Variants in NR6A1 observed in about 807,000 individuals in gnomAD.
NR6A1 encodes the protein retinoic acid receptor-related testis-associated receptor.
Under a neutral mutation model 59.1 loss-of-function variants are expected in NR6A1, and 7 were observed. That is an observed-to-expected ratio of 0.12 (90% confidence interval 0.07 to 0.22). The LOEUF is 0.22. NR6A1 is among the 10% of genes least tolerant of loss of function. The pLI, the probability that NR6A1 is intolerant of heterozygous loss-of-function variation, is 1.00. For missense variants in NR6A1, 468 were observed against 611.6 expected (o/e 0.77, Z 2.48); for synonymous variants, 243 against 236.1 (o/e 1.03, Z -0.27).
intron 1 of NR6A1, among the ~76,000 whole-genome samples, chr9:124,765,947 A>C (rs1342601640): frequency 6.6e-6 from 1 of 152,158 alleles, no homozygotes; most frequent in African/African-American, 2.4e-5. Flanking sequence ...CTGATTTTCT[A>C]TTACTTACTA....
chr9:124,736,460 A>G (rs1163780233), intron 1 of NR6A1, among the ~76,000 whole-genome samples: 1 of 152,206 alleles, frequency 6.6e-6, no homozygotes, highest in African/African-American at 2.4e-5. Flanking sequence ...GCAGACTTCT[A>G]TTCAAAGGCC....
chr9:124,750,763 AAAATAAATAAAT>A (rs541740584), intron 1 of NR6A1, among the ~76,000 whole-genome samples: 1 of 152,126 alleles, frequency 6.6e-6, no homozygotes, highest in African/African-American at 2.4e-5. Context: ...CCGTCTCAAA[AAAATAAATAAAT>A]AAATAAATAA....
In NR6A1 at chr9:124,540,048, G is replaced by A. The variant is rs891318743; in HGVS notation, c.581C>T (p.Ser194Phe). The stretch of plus-strand genomic sequence containing the variant: ...TAAAGCTCACCTGGAAGACAGTGTG[G>A]AGCCTGGTGAGGGCTGGTTGCTCTC... ...ASESNQPSPG[S>F]TLSSSRSVEL... Residue 194 changes from serine (S) to phenylalanine (F), a missense_variant, in exon 5 of 10, where the codon TCC becomes TTC. Around this residue, in one of 4 missense-constraint regions of NR6A1, gnomAD observed 151 missense variants for 142.8 expected, o/e 1.06. Coordinates refer to ENST00000487099, the MANE Select transcript of NR6A1 (RefSeq NM_033334.4). The A allele has an allele frequency of 1.5e-5, 24 of 1,599,278 alleles. No individual in the cohort carries two copies. The highest frequency in any genetic ancestry group is 2.0e-5 in the Non-Finnish European group (23 of 1,178,024).
rs1833247383 is a variant in NR6A1 at position 124,535,868 on chromosome 9, G to A, written c.1079+10C>T. ...TGTTTGGTATTTCCTCCCCAGCCAG[G>A]AGGCCTCACCTGTGTAGTTCTTCAT... On this transcript the variant is annotated intron_variant, in intron 7 of 9. Transcript: ENST00000487099. 2 of 1,613,500 alleles carry A rather than the reference G, an allele frequency of 1.2e-6. No individual in the cohort carries two copies. Among genetic ancestry groups the A allele is most frequent in the African/African-American group, 1.3e-5 (1 of 75,048 alleles).
At chr9:124,682,039 G>A (rs1452689278) in intron 2 of NR6A1, among the ~76,000 whole-genome samples, 1 of 151,918 alleles carries the variant, frequency 6.6e-6, no homozygotes, top group Non-Finnish European at 1.5e-5. Flanking sequence ...TTGTTGCCCA[G>A]GCTGGAGTGC....
chr9:124,558,405 A>G (rs562847155), intron 2 of NR6A1, among the ~76,000 whole-genome samples: 1 of 152,170 alleles, frequency 6.6e-6, no homozygotes, highest in South Asian at 2.1e-4. Context: ...GGTCTATGCC[A>G]TGGATGAGGA....
At chr9:124,543,754 G>A in intron 4 of NR6A1, 48 bp downstream of exon 4, 1 of 1,468,702 alleles carries the variant, frequency 6.8e-7, no homozygotes, top group South Asian at 1.2e-5. Context: ...AACAGCTGGA[G>A]CCCTGGGCTT....
chr9:124,626,837 G>C (rs899082565), intron 2 of NR6A1, among the ~76,000 whole-genome samples: 3 of 152,160 alleles, frequency 2.0e-5, no homozygotes, highest in African/African-American at 7.2e-5. Flanking sequence ...AGGAGGCTGA[G>C]GCAGGAGAAT....
At chr9:124,628,726 C>T (rs546573334) in intron 2 of NR6A1, among the ~76,000 whole-genome samples, 113 of 152,034 alleles carry the variant, frequency 7.4e-4, no homozygotes, top group Middle Eastern at 3.4e-3. Context: ...CTGCAACCTC[C>T]GCCTCCCGGG....
chr9:124,638,953 G>C (rs1209456541), intron 2 of NR6A1, among the ~76,000 whole-genome samples: 1 of 152,142 alleles, frequency 6.6e-6, no homozygotes, highest in African/African-American at 2.4e-5. Context: ...ACGGGAAGCT[G>C]ATTTTCTAAA....
intron 7 of NR6A1, 106 bp from the exon 8 acceptor site, chr9:124,527,006 G>GA: frequency 7.2e-7 from 1 of 1,392,912 alleles, no homozygotes; most frequent in Non-Finnish European, 9.9e-7. Context: ...GAGCTTGGGG[G>GA]AAATGGGATC....
chr9:124,666,275 C>CTTTTTTTTTCTTTTTTTTT (rs1837610877), intron 2 of NR6A1, among the ~76,000 whole-genome samples: 1 of 103,070 alleles, frequency 9.7e-6, no homozygotes. Flanking sequence ...CTATGTGGTT[C>CTTTTTTTTTCTTTTTTTTT]TTTTTTTTTT....
rs1322405365 is a variant in NR6A1 at position 124,639,802 on chromosome 9, C to T, written c.143-85232G>A. Reference sequence around the variant, plus strand: ...TAGCAATGCAGAGGTCTGTGGTCACCTTGACCAAGTTGTTTCAATAGTATG... The same window carrying T: ...TAGCAATGCAGAGGTCTGTGGTCACTTTGACCAAGTTGTTTCAATAGTATG... On this transcript the variant is annotated intron_variant, in intron 2 of 9. Coordinates refer to ENST00000487099, the MANE Select transcript of NR6A1 (RefSeq NM_033334.4). Among the ~76,000 whole-genome samples the T allele has an allele frequency of 2.0e-5, 3 of 152,204 alleles. No individual in the cohort carries two copies. In the South Asian group the frequency reaches 6.2e-4, roughly 32 times the overall value.
chr9:124,526,942 A>G, intron 7 of NR6A1, 42 bp from the exon 8 acceptor site: 2 of 1,610,850 alleles, frequency 1.2e-6, no homozygotes, highest in Non-Finnish European at 1.7e-6. Flanking sequence ...CTGTGACACC[A>G]GTAGGGGCCA....
chr9:124,617,180 A>G (rs1193583404), intron 2 of NR6A1, among the ~76,000 whole-genome samples: 2 of 152,166 alleles, frequency 1.3e-5, no homozygotes, highest in East Asian at 3.8e-4. Flanking sequence ...CAGGCTGCCA[A>G]TCATTCAGCT....
chr9:124,644,076 T>C (rs1836856769), intron 2 of NR6A1, among the ~76,000 whole-genome samples: 1 of 151,528 alleles, frequency 6.6e-6, no homozygotes, highest in Non-Finnish European at 1.5e-5. Flanking sequence ...AATTTTTGTA[T>C]TTTTGGTAGA....
At chr9:124,638,217 C>T (rs1369238530) in intron 2 of NR6A1, among the ~76,000 whole-genome samples, 1 of 151,684 alleles carries the variant, frequency 6.6e-6, no homozygotes, top group Non-Finnish European at 1.5e-5. Context: ...GATCACACCA[C>T]TGCACTCCAA....
chr9:124,750,824 T>C (rs1840479794), intron 1 of NR6A1, among the ~76,000 whole-genome samples: 1 of 152,138 alleles, frequency 6.6e-6, no homozygotes, highest in Non-Finnish European at 1.5e-5. Context: ...GTCAAGATTT[T>C]TAAACAAGCA....
intron 2 of NR6A1, among the ~76,000 whole-genome samples, chr9:124,732,331 C>T (rs1311599414): frequency 3.9e-5 from 6 of 152,196 alleles, no homozygotes; most frequent in Admixed American, 6.5e-5. Flanking sequence ...TTTGACCTTT[C>T]GGCATTATAG....
Sources: allele counts gnomAD v4.1 joint callset (sites outside exome capture counted in the v4.1 genomes callset), GRCh38; gene constraint gnomAD v4.1.1; regional missense constraint gnomAD v4.1.1; transcripts MANE v1.5; gene names NCBI Gene and HGNC (gene_info 2026-07-23, HGNC 2026-07-21).